The following TCTN3 variants were observed in gnomAD, a reference collection of about 807,000 sequenced individuals.
TCTN3 encodes the protein tectonic-3.
TCTN3 carries 57 observed loss-of-function variants against 71.3 expected under a neutral mutation model. That is an observed-to-expected ratio of 0.80 (90% confidence interval 0.65 to 1.00). The LOEUF (loss-of-function observed/expected upper bound fraction) is 1.00. TCTN3 is among the 50% of genes least tolerant of loss of function. The pLI, the probability that TCTN3 is intolerant of heterozygous loss-of-function variation, is 0.00. For missense variants in TCTN3, 696 were observed against 719.9 expected (o/e 0.97, Z 0.38); for synonymous variants, 258 against 267.8 (o/e 0.96, Z 0.36).
At position 95,693,795 on chromosome 10, in the gene TCTN3, A is replaced by G. The variant is rs1005834376; in HGVS notation, c.105T>C (p.Ser35=). 6.4e-7 allele frequency: 1 copy of G among 1,551,674 alleles called. No homozygotes were observed. The highest frequency in any genetic ancestry group is 8.7e-7 in the Non-Finnish European group (1 of 1,146,986). ...SSSPSGAVPT[S]LELQRGTDGG... The stretch of plus-strand genomic sequence containing the variant: ...CATCCGTCCCTCGCTGCAGCTCCAA[A>G]GACGTGGGCACTGCCCCTGATGGGG... The change falls in exon 1 of 14, where the codon TCT becomes TCC. Residue 35 remains serine (S), a synonymous_variant. Coordinates refer to ENST00000371217, the MANE Select transcript of TCTN3 (RefSeq NM_015631.6).
chr10:95,672,233 A>G (rs1053955798), intron 13 of TCTN3, among the ~76,000 whole-genome samples: 2 of 143,752 alleles, frequency 1.4e-5, no homozygotes, highest in Non-Finnish European at 3.1e-5. Context: ...TTTGTGTATC[A>G]GTAATTCATT....
intron 12 of TCTN3, among the ~76,000 whole-genome samples, chr10:95,681,106 C>T (rs915906042): frequency 4.7e-5 from 7 of 149,716 alleles, no homozygotes; most frequent in Non-Finnish European, 7.4e-5. Flanking sequence ...GATGGAGTCT[C>T]GCTCTGTTGC....
At chr10:95,667,236 C>A (rs1247574676) in intron 13 of TCTN3, among the ~76,000 whole-genome samples, 2 of 152,062 alleles carry the variant, frequency 1.3e-5, no homozygotes, top group Non-Finnish European at 1.5e-5. Flanking sequence ...TCATTAAGAG[C>A]TACTACTAGA....
At chr10:95,667,036 C>A (rs1038224512) in intron 13 of TCTN3, among the ~76,000 whole-genome samples, 1 of 152,148 alleles carries the variant, frequency 6.6e-6, no homozygotes, top group African/African-American at 2.4e-5. Context: ...TTTCTGTATC[C>A]TTGAGGTCAT....
At chr10:95,675,548 T>C (rs948162238) in intron 13 of TCTN3, among the ~76,000 whole-genome samples, 2 of 152,206 alleles carry the variant, frequency 1.3e-5, no homozygotes, top group African/African-American at 4.8e-5. Context: ...GGCAAAGTAC[T>C]TCTATAGTCT....
At chr10:95,689,046 C>A (rs1212673851) in intron 3 of TCTN3, among the ~76,000 whole-genome samples, 1 of 152,136 alleles carries the variant, frequency 6.6e-6, no homozygotes, top group Admixed American at 6.5e-5. Flanking sequence ...ATGAACCTGA[C>A]CTTTACCCTC....
At position 95,682,708 on chromosome 10, in the gene TCTN3, A is replaced by G; in HGVS notation, c.1395T>C (p.Ala465=). The part of the protein sequence containing the change: ...RPEYVAIFGN[A]DPAQKGGWTR... ...TCCACCCTCCTTTCTGGGCTGGGTC[A>G]GCATTACCAAAGATGGCAACATACT... The change falls in exon 12 of 14, where the codon GCT becomes GCC. Residue 465 remains alanine, a synonymous_variant. Transcript: ENST00000371217. 6.2e-7 allele frequency: 1 copy of G among 1,614,190 alleles called. No homozygotes were observed. Among genetic ancestry groups the G allele is most frequent in the Non-Finnish European group, 8.5e-7 (1 of 1,180,018 alleles).
intron 13 of TCTN3, among the ~76,000 whole-genome samples, chr10:95,665,321 C>G (rs1399861416): frequency 6.6e-6 from 1 of 152,142 alleles, no homozygotes; most frequent in Non-Finnish European, 1.5e-5. Context: ...CTCTGTCACC[C>G]AGGCTGAAGT....
intron 13 of TCTN3, among the ~76,000 whole-genome samples, chr10:95,679,455 T>G (rs1390845731): frequency 6.6e-6 from 1 of 152,204 alleles, no homozygotes; most frequent in Admixed American, 6.5e-5. Flanking sequence ...AGTCTCAAGT[T>G]TACTTTATTT....
At chr10:95,684,425 T>C in intron 9 of TCTN3, 74 bp downstream of exon 9, 3 of 1,567,272 alleles carry the variant, frequency 1.9e-6, no homozygotes, top group Non-Finnish European at 2.6e-6. Context: ...TCACATGTAT[T>C]ACAGAAGCAA....
At chr10:95,669,431 C>G (rs573682968) in intron 13 of TCTN3, among the ~76,000 whole-genome samples, 1 of 152,330 alleles carries the variant, frequency 6.6e-6, no homozygotes, top group East Asian at 1.9e-4. Context: ...ACCTCCACAT[C>G]TACATAGCCA....
intron 13 of TCTN3, among the ~76,000 whole-genome samples, chr10:95,665,510 A>C (rs1463624001): frequency 6.6e-6 from 1 of 151,988 alleles, no homozygotes; most frequent in Non-Finnish European, 1.5e-5. Flanking sequence ...CGAACTCCTG[A>C]CCTCAAGTGA....
intron 13 of TCTN3, among the ~76,000 whole-genome samples, chr10:95,678,665 T>C (rs2097939872): frequency 6.6e-6 from 1 of 152,146 alleles, no homozygotes; most frequent in Non-Finnish European, 1.5e-5. Context: ...ATCTGACTTC[T>C]GGAGAAAATT....
intron 13 of TCTN3, among the ~76,000 whole-genome samples, chr10:95,679,806 G>A (rs1325799989): frequency 6.6e-6 from 1 of 151,730 alleles, no homozygotes; most frequent in Non-Finnish European, 1.5e-5. Context: ...TAGCCGGGAT[G>A]GTCTCGATCT....
chr10:95,684,713 T>C, intron 8 of TCTN3, 89 bp from the exon 9 acceptor site: 3 of 1,446,506 alleles, frequency 2.1e-6, no homozygotes, highest in South Asian at 1.3e-5. Context: ...AAGGGTGTTA[T>C]TATAACTAAA....
Position 95,680,591 on chromosome 10 carries a change from A to G in TCTN3, c.1471T>C (p.Cys491Arg). Residue 491 changes from cysteine (C) to arginine (R), a missense_variant, in exon 13 of 14, where the codon TGC becomes CGC. Transcript: ENST00000371217. ...TCCAGGGAAACTGGTATGAGACAGC[A>G]GGAAGTACAGTTTATAGCCTGCAGA... ...CSISAINCTS[C>R]CLIPVSLEIQ... is the part of the protein sequence containing the mutation. The G allele has an allele frequency of 6.2e-7, 1 of 1,614,096 alleles. No individual in the cohort carries two copies. Among genetic ancestry groups the G allele is most frequent in the Non-Finnish European group, 8.5e-7 (1 of 1,179,990 alleles).
intron 13 of TCTN3, among the ~76,000 whole-genome samples, chr10:95,667,325 A>G (rs1489114747): frequency 6.6e-6 from 1 of 152,350 alleles, no homozygotes; most frequent in African/African-American, 2.4e-5. Flanking sequence ...AACAGATACA[A>G]AAACTCCATG....
chr10:95,679,748 C>T (rs1387123574), intron 13 of TCTN3, among the ~76,000 whole-genome samples: 3 of 151,546 alleles, frequency 2.0e-5, no homozygotes, highest in African/African-American at 4.8e-5. Flanking sequence ...CCCGCCACTA[C>T]GCCCGGCTAT....
intron 3 of TCTN3, among the ~76,000 whole-genome samples, chr10:95,688,305 G>C (rs565308747): frequency 1.4e-5 from 2 of 145,842 alleles, no homozygotes; most frequent in East Asian, 4.2e-4. Context: ...CAGAAGAATT[G>C]CTTGAACCTG....
Sources: gnomAD v4.1 joint callset for allele counts (sites outside exome capture counted in the v4.1 genomes callset) on GRCh38, gnomAD v4.1.1 for gene constraint, MANE v1.5 for transcripts, NCBI Gene and HGNC (gene_info 2026-07-23, HGNC 2026-07-21) for gene names.